PSD3: variants seen among roughly 807,000 people sequenced by gnomAD.
PSD3 encodes the protein PH and SEC7 domain-containing protein 3.
In PSD3, 49 loss-of-function variants were observed where a neutral mutation model predicts 105.5. That is an observed-to-expected ratio of 0.46 (90% CI 0.37 to 0.59). The LOEUF is 0.59. PSD3 is among the 20% of genes least tolerant of loss of function. The pLI, the probability that PSD3 is intolerant of heterozygous loss-of-function variation, is 0.00. For synonymous variants in PSD3, 557 were observed against 457.8 expected (o/e 1.22, Z -2.77); for missense variants, 1,561 against 1,263.8 (o/e 1.24, Z -3.57).
intron 8 of PSD3, among the ~76,000 whole-genome samples, chr8:18,789,976 C>T (rs1236824011): frequency 6.6e-6 from 1 of 152,040 alleles, no homozygotes; most frequent in Non-Finnish European, 1.5e-5. Flanking sequence ...CTCAATAAGC[C>T]CCACTGACAC....
At chr8:18,811,846 T>A (rs1811715416) in intron 4 of PSD3, among the ~76,000 whole-genome samples, 1 of 152,188 alleles carries the variant, frequency 6.6e-6, no homozygotes. Context: ...GTCTTTAATA[T>A]GTAAGTTTTT....
At chr8:18,960,326 GAAGA>G (rs1220769754) in intron 1 of PSD3, among the ~76,000 whole-genome samples, 8 of 152,180 alleles carry the variant, frequency 5.3e-5, no homozygotes, top group Non-Finnish European at 2.9e-5. Flanking sequence ...AGTGTCTTCT[GAAGA>G]TGAGTAATCG....
intron 2 of PSD3, among the ~76,000 whole-genome samples, chr8:18,915,795 TTTAAAAAAATAAAAATAGGGCAGGCATGG>T (rs1470854989): frequency 2.0e-5 from 3 of 152,046 alleles, no homozygotes; most frequent in Non-Finnish European, 4.4e-5. Context: ...TGGAAGTTCC[TTTAAAAAAATAAAAATAGGGCAGGCATGG>T]TGGATCACGC....
At chr8:18,881,761 T>C (rs1198802599) in intron 2 of PSD3, among the ~76,000 whole-genome samples, 1 of 152,332 alleles carries the variant, frequency 6.6e-6, no homozygotes, top group East Asian at 1.9e-4. Context: ...ATTGTTTTGT[T>C]GCCACAAAAA....
intron 1 of PSD3, among the ~76,000 whole-genome samples, chr8:19,004,738 G>C (rs78593164): frequency 3.3e-4 from 50 of 152,154 alleles, no homozygotes; most frequent in African/African-American, 7.9e-4. Context: ...CCCATGTGTC[G>C]TGTGAGGAAG....
intron 1 of PSD3, among the ~76,000 whole-genome samples, chr8:19,021,268 T>C (rs531798638): frequency 7.2e-5 from 11 of 152,242 alleles, no homozygotes; most frequent in Non-Finnish European, 1.5e-4. Context: ...CAGCAGTGTC[T>C]GCGTTCTGCT....
chr8:18,616,751 G>A (rs1805712992), intron 11 of PSD3, among the ~76,000 whole-genome samples: 1 of 148,836 alleles, frequency 6.7e-6, no homozygotes, highest in Admixed American at 6.7e-5. Context: ...AGCCTCCCAA[G>A]TAGCTGGGAC....
At chr8:18,775,072 C>A (rs773216177) in intron 8 of PSD3, 2 of 409,468 alleles carry the variant, frequency 4.9e-6, no homozygotes, top group East Asian at 1.5e-4. Flanking sequence ...ATGAAATCTA[C>A]TTTTTAAGCC....
At chr8:18,554,117 C>T (rs757243387) in intron 15 of PSD3, among the ~76,000 whole-genome samples, 2 of 152,204 alleles carry the variant, frequency 1.3e-5, no homozygotes, top group South Asian at 4.1e-4. Flanking sequence ...CAATGGCAAG[C>T]TTTCCATGGC....
At chr8:18,821,388 C>A (rs372325451) in intron 4 of PSD3, among the ~76,000 whole-genome samples, 13 of 94,220 alleles carry the variant, frequency 1.4e-4, no homozygotes, top group African/African-American at 4.4e-4. Context: ...TTTCATTTTC[C>A]AAAAAAAATA....
chr8:18,825,240 T>A (rs191463759), intron 4 of PSD3, among the ~76,000 whole-genome samples: 2 of 152,236 alleles, frequency 1.3e-5, no homozygotes, highest in African/African-American at 4.8e-5. Flanking sequence ...CATCCTAAGT[T>A]CTAAACAAAT....
chr8:18,635,465 A>C (rs538123055), intron 10 of PSD3, among the ~76,000 whole-genome samples: 17 of 152,324 alleles, frequency 1.1e-4, no homozygotes, highest in South Asian at 6.2e-4. Flanking sequence ...CAGCCAAAAA[A>C]AATCCCATTG....
At chr8:18,931,565 A>G (rs1224246827) in intron 2 of PSD3, among the ~76,000 whole-genome samples, 2 of 152,198 alleles carry the variant, frequency 1.3e-5, no homozygotes, top group East Asian at 1.9e-4. Context: ...CCAAGCAACT[A>G]AGCTCTCACT....
intron 9 of PSD3, among the ~76,000 whole-genome samples, chr8:18,743,854 T>A (rs886355038): frequency 6.6e-6 from 1 of 150,878 alleles, no homozygotes; most frequent in Non-Finnish European, 1.5e-5. Context: ...AGGGGGGAGG[T>A]TAAGGTGGGA....
chr8:19,010,598 T>G (rs1826907793), intron 1 of PSD3, among the ~76,000 whole-genome samples: 1 of 152,176 alleles, frequency 6.6e-6, no homozygotes, highest in Non-Finnish European at 1.5e-5. Flanking sequence ...TTGGAGCTTG[T>G]GAAAAATGTC....
intron 8 of PSD3, 48 bp downstream of exon 8, chr8:18,799,247 G>T: frequency 6.7e-7 from 1 of 1,488,198 alleles, no homozygotes. Context: ...TAAAAGCAGA[G>T]ATAAGCCCGA....
intron 1 of PSD3, among the ~76,000 whole-genome samples, chr8:19,007,549 C>T (rs1340734834): frequency 6.6e-6 from 1 of 152,024 alleles, no homozygotes; most frequent in Non-Finnish European, 1.5e-5. Context: ...GCAGTAACTG[C>T]ATCGATTCTA....
At chr8:18,747,634 G>A (rs964210664) in intron 9 of PSD3, among the ~76,000 whole-genome samples, 1 of 152,180 alleles carries the variant, frequency 6.6e-6, no homozygotes, top group Non-Finnish European at 1.5e-5. Context: ...CAGAACACCA[G>A]CAGAGATTAT....
intron 4 of PSD3, among the ~76,000 whole-genome samples, chr8:18,838,128 T>C (rs1033597277): frequency 1.3e-5 from 2 of 152,234 alleles, no homozygotes; most frequent in African/African-American, 2.4e-5. Flanking sequence ...TGAAATCATA[T>C]AATGCCATCT....
Sources: allele counts gnomAD v4.1 joint callset (sites outside exome capture counted in the v4.1 genomes callset), GRCh38; gene constraint gnomAD v4.1.1; transcripts MANE v1.5; gene names NCBI Gene and HGNC (gene_info 2026-07-23, HGNC 2026-07-21).